The following SLC30A3 variants were observed in gnomAD, a reference collection of about 807,000 sequenced individuals.
The protein encoded by SLC30A3 is solute carrier family 30 member 3.
Under a neutral mutation model 35.6 loss-of-function variants are expected in SLC30A3, and 20 were observed. The ratio of observed to expected loss-of-function variants is 0.56; its 90% confidence interval spans 0.39 to 0.82. The LOEUF is 0.82. SLC30A3 is among the 40% of genes least tolerant of loss of function. SLC30A3 has a pLI of 0.00. For synonymous variants in SLC30A3, 217 were observed against 224.7 expected (o/e 0.97, Z 0.31); for missense variants, 401 against 530.6 (o/e 0.76, Z 2.40).
At chr2:27,256,734 G>T (rs1009013114) in intron 6 of SLC30A3, 54 bp downstream of exon 6, 5 of 1,397,816 alleles carry the variant, frequency 3.6e-6, no homozygotes, top group South Asian at 1.2e-5. Flanking sequence ...GGCCCACTGC[G>T]AGAGTAAAGT....
At position 27,262,758 on chromosome 2, in the gene SLC30A3, G is replaced by T; in HGVS notation, c.95+54C>A. On this transcript the variant is annotated intron_variant, in intron 1 of 7. Coordinates refer to ENST00000233535, the MANE Select transcript of SLC30A3 (RefSeq NM_003459.5). The surrounding 1 kb of genome is among the most constrained non-coding windows in gnomAD (Gnocchi z 7.5). ...CGCCGAGAGAGACAACGAAATGGAC[G>T]GAGGGTAGTAGGGTGGCGCCCCCGG... The T allele has an allele frequency of 6.9e-7, 1 of 1,442,886 alleles. No homozygotes were observed. The highest frequency in any genetic ancestry group is 3.0e-5 in the East Asian group (1 of 33,592). 89.4% of individuals were successfully genotyped at this position (1,442,886 alleles called of 1,614,324 possible).
chr2:27,270,037 T>G lies in SLC30A3; in HGVS notation c.-159+5140A>C, dbSNP rs568827079. On this transcript the variant is annotated intron_variant, in intron 1 of 5. Transcript: ENST00000424577. Reference sequence around the variant, plus strand: ...GGTGGGTTAAACAGAAAGAAGTGATTTAAGGGCCAAAGTCTCTTCCCAAAA... The same window carrying G: ...GGTGGGTTAAACAGAAAGAAGTGATGTAAGGGCCAAAGTCTCTTCCCAAAA... Among the ~76,000 whole-genome samples, 3 of 152,230 alleles carry G rather than the reference T, an allele frequency of 2.0e-5. No homozygotes were observed. The East Asian group carries it at 5.8e-4, about 29-fold the overall frequency.
chr2:27,272,823 G>A (rs1359024024), intron 1 of SLC30A3, among the ~76,000 whole-genome samples: 2 of 151,512 alleles, frequency 1.3e-5, no homozygotes, highest in African/African-American at 2.4e-5. Flanking sequence ...AGGCTGAGGC[G>A]GGCAGATCAC....
At chr2:27,256,132 C>T in intron 7 of SLC30A3, 1 of 526,372 alleles carries the variant, frequency 1.9e-6, no homozygotes, top group Non-Finnish European at 3.4e-6. Context: ...GTTGTTGGTT[C>T]CCTGTGCTAC....
chr2:27,256,555 G>A (rs1558556870), intron 6 of SLC30A3, 35 bp from the exon 7 acceptor site: 4 of 1,612,258 alleles, frequency 2.5e-6, no homozygotes, highest in East Asian at 4.5e-5. Flanking sequence ...TACTGCTAGG[G>A]CTACTCCTGC....
At position 27,254,376 on chromosome 2, in the gene SLC30A3, A is replaced by G. The variant is rs999416783; in HGVS notation, c.*936T>C. On this transcript the variant is annotated 3_prime_UTR_variant, in exon 8 of 8. Coordinates refer to ENST00000233535, the MANE Select transcript of SLC30A3 (RefSeq NM_003459.5). ...CTGTCCCTGAGCCAAGGACCCAGGC[A>G]TGCTGTGAGCCAGGGGAAGGGGAGT... 1 of 152,448 alleles carries G rather than the reference A, an allele frequency of 6.6e-6. No homozygotes were observed. Among genetic ancestry groups the G allele is most frequent in the Non-Finnish European group, 1.5e-5 (1 of 68,134 alleles). The allele number at this position is 152,448 out of a possible 1,614,324, so 9.4% of individuals were successfully genotyped here.
Position 27,271,869 on chromosome 2 carries a change from C to T in SLC30A3, c.-159+3308G>A, listed in dbSNP as rs529418615. On this transcript the variant is annotated intron_variant, in intron 1 of 5. Transcript: ENST00000424577. This position sits in a 1 kb window ranked among gnomAD's most constrained non-coding sequence, Gnocchi z 4.3. Reference sequence around the variant, plus strand: ...TACAGATAACGGCTATTTCAAGAGCCATGAACTGTGATTAGTTAGAATGTC... The same window carrying T: ...TACAGATAACGGCTATTTCAAGAGCTATGAACTGTGATTAGTTAGAATGTC... Among the ~76,000 whole-genome samples, 72 of 152,324 alleles carry T rather than the reference C, an allele frequency of 4.7e-4. No homozygotes were observed. The highest frequency in any genetic ancestry group is 1.6e-3 in the African/African-American group (67 of 41,582).
At chr2:27,269,331 G>A (rs1213621525) in intron 1 of SLC30A3, among the ~76,000 whole-genome samples, 7 of 150,880 alleles carry the variant, frequency 4.6e-5, no homozygotes, top group East Asian at 3.9e-4. Context: ...TTAGCCTCCC[G>A]AGTAGCTGGG....
intron 1 of SLC30A3, among the ~76,000 whole-genome samples, chr2:27,274,410 AG>A (rs1409004726): frequency 6.6e-6 from 1 of 152,234 alleles, no homozygotes; most frequent in African/African-American, 2.4e-5. Context: ...GAGTGATAAA[AG>A]CTACAAAAAG....
At chr2:27,256,582 C>A in intron 6 of SLC30A3, 62 bp from the exon 7 acceptor site, 1 of 1,605,640 alleles carries the variant, frequency 6.2e-7, no homozygotes, top group Non-Finnish European at 8.5e-7. Context: ...GCAGCACCCC[C>A]ACCACTGGAT....
intron 1 of SLC30A3, among the ~76,000 whole-genome samples, chr2:27,260,277 T>C (rs79326174): frequency 1.3e-5 from 2 of 152,140 alleles, no homozygotes; most frequent in African/African-American, 2.4e-5. Flanking sequence ...GGGGTTGTCA[T>C]GGGAGGAAGG....
In SLC30A3 at chr2:27,258,306, G is replaced by T; in HGVS notation, c.279C>A (p.Gly93=). The T allele has an allele frequency of 6.6e-7, 1 of 1,515,840 alleles. No homozygotes were observed. Among genetic ancestry groups the T allele is most frequent in the Non-Finnish European group, 8.8e-7 (1 of 1,130,770 alleles). 93.9% of individuals were successfully genotyped at this position (1,515,840 alleles called of 1,614,324 possible). ...CFVFMAGEVV[G]GYLAHSLAIM... is the part of the protein sequence containing the mutation. ...TGGCCAGGCTGTGTGCCAGATACCC[G>T]CCTGCCAGGGTGAAATGATGGAGTC... The change falls in exon 3 of 8, where the codon GGC becomes GGA. Residue 93 remains glycine (G), a splice_region_variant and synonymous_variant. Coordinates refer to ENST00000233535, the MANE Select transcript of SLC30A3 (RefSeq NM_003459.5). This position sits in a 1 kb window ranked among gnomAD's most constrained non-coding sequence, Gnocchi z 4.0.
At chr2:27,263,584 C>T (rs1044288242), upstream of SLC30A3, 15 of 284,300 alleles carry the variant, frequency 5.3e-5, no homozygotes, top group Middle Eastern at 2.2e-3. Context: ...CTGCCAATCA[C>T]TGTACCGCGA....
At chr2:27,272,273 A>G (rs1167320230) in intron 1 of SLC30A3, among the ~76,000 whole-genome samples, 1 of 152,152 alleles carries the variant, frequency 6.6e-6, no homozygotes, top group African/African-American at 2.4e-5. Context: ...TGGGCCCTGT[A>G]GTCTTGTCCA....
In SLC30A3 at chr2:27,257,214, C is replaced by T. The variant is rs1676910915; in HGVS notation, c.717G>A (p.Val239=). The change falls in exon 5 of 8, where the codon GTG becomes GTA. Residue 239 remains valine (V), a synonymous_variant. Transcript: ENST00000233535. This position sits in a 1 kb window ranked among gnomAD's most constrained non-coding sequence, Gnocchi z 4.7. ...NTSVRAAFVH[V]LGDLLQSFGV... ...CAAAGCTCTGCAGGAGGTCCCCCAG[C>T]ACGTGCACAAATGCCGCCCGGACGC... The T allele has an allele frequency of 6.2e-7, 1 of 1,613,992 alleles. No individual in the cohort carries two copies.
intron 1 of SLC30A3, among the ~76,000 whole-genome samples, chr2:27,269,181 G>T (rs954644168): frequency 7.5e-5 from 11 of 146,294 alleles, no homozygotes; most frequent in East Asian, 6.0e-4. Context: ...TTAGAGTGTG[G>T]TTTTTTTTTT....
Position 27,254,786 on chromosome 2 carries a change from AC to A in SLC30A3, c.*525del. The A allele has an allele frequency of 1.1e-5, 3 of 273,474 alleles. No individual in the cohort carries two copies. Among genetic ancestry groups the A allele is most frequent in the East Asian group, 2.1e-4 (2 of 9,544 alleles). The allele number at this position is 273,474 out of a possible 1,614,324, so 16.9% of individuals were successfully genotyped here. ...CACACACACACACACACACACACAC[AC>A]ACACACACACACAGACAAAACCACA... On this transcript the variant is annotated 3_prime_UTR_variant, in exon 8 of 8. Coordinates refer to ENST00000233535, the MANE Select transcript of SLC30A3 (RefSeq NM_003459.5).
In SLC30A3 at chr2:27,262,592, G is replaced by A. The variant is rs528844463; in HGVS notation, c.95+220C>T. Among the ~76,000 whole-genome samples the A allele has an allele frequency of 6.6e-6, 1 of 152,248 alleles. No individual in the cohort carries two copies. Among genetic ancestry groups the A allele is most frequent in the South Asian group, 2.1e-4 (1 of 4,828 alleles). ...GCCGGCCGGAGGGGAGTGAGAGGCC[G>A]CTTCACCCGAGGAAGTCAGGCGGCC... On this transcript the variant is annotated intron_variant, in intron 1 of 7. Coordinates refer to ENST00000233535, the MANE Select transcript of SLC30A3 (RefSeq NM_003459.5). The surrounding 1 kb of genome is among the most constrained non-coding windows in gnomAD (Gnocchi z 7.5).
Position 27,263,024 on chromosome 2 carries a change from A to T in SLC30A3, c.-118T>A. 1 of 1,394,172 alleles carries T rather than the reference A, an allele frequency of 7.2e-7. No individual in the cohort carries two copies. The highest frequency in any genetic ancestry group is 9.3e-7 in the Non-Finnish European group (1 of 1,080,994). The allele number at this position is 1,394,172 out of a possible 1,614,324, so 86.4% of individuals were successfully genotyped here. ...ATCCCCGCAGGGCGGCGGGGCCACC[A>T]GAGTGGAGCGAACTGCAGCGACTGT... On this transcript the variant is annotated 5_prime_UTR_variant, in exon 1 of 8. Coordinates refer to ENST00000233535, the MANE Select transcript of SLC30A3 (RefSeq NM_003459.5).
Sources: gnomAD v4.1 joint callset for allele counts (sites outside exome capture counted in the v4.1 genomes callset) on GRCh38, gnomAD v4.1.1 for gene constraint, Gnocchi (gnomAD v3.1) non-coding constraint, MANE v1.5 for transcripts, NCBI Gene and HGNC (gene_info 2026-07-23, HGNC 2026-07-21) for gene names.